Variants in OR1J2 observed in about 807,000 individuals in gnomAD.
The protein encoded by OR1J2 is olfactory receptor family 1 subfamily J member 2.
For synonymous variants in OR1J2, 142 were observed against 99.7 expected (o/e 1.42, Z -2.52); for missense variants, 304 against 246.1 (o/e 1.24, Z -1.57).
chr9:122,478,461 G>A, the OR1J2 span, among the ~76,000 whole-genome samples: 1 of 152,074 alleles, frequency 6.6e-6, no homozygotes, highest in Non-Finnish European at 1.5e-5. Context: ...TACCCTGCTT[G>A]TCTACACAGT....
At chr9:122,533,020 C>T in the OR1J2 span, among the ~76,000 whole-genome samples, 4,881 of 152,078 alleles carry the variant, frequency 0.032, 311 homozygotes, top group East Asian at 0.3. Context: ...CAGTACAGCC[C>T]AGGTAATTTG....
the OR1J2 span, among the ~76,000 whole-genome samples, chr9:122,494,412 T>C: frequency 2.6e-5 from 4 of 152,306 alleles, no homozygotes; most frequent in South Asian, 8.3e-4. Context: ...CTTGTTGGAC[T>C]AGTCCCTTTA....
At chr9:122,467,126 G>A in the OR1J2 span, among the ~76,000 whole-genome samples, 1 of 152,064 alleles carries the variant, frequency 6.6e-6, no homozygotes, top group Admixed American at 6.5e-5. Context: ...CATCCGGCTG[G>A]GAGTGTGGTC....
At chr9:122,568,611 T>C in the OR1J2 span, 1 of 605,972 alleles carries the variant, frequency 1.7e-6, no homozygotes, top group South Asian at 2.3e-5. Flanking sequence ...AATTGTGGGA[T>C]GGCTTGTTCA....
the OR1J2 span, among the ~76,000 whole-genome samples, chr9:122,518,179 G>A: frequency 2.6e-5 from 4 of 152,302 alleles, no homozygotes; most frequent in Non-Finnish European, 2.9e-5. Flanking sequence ...ATATTTTAAT[G>A]GGTAGATAGT....
chr9:122,473,711 GTC>G, the OR1J2 span, among the ~76,000 whole-genome samples: 2 of 152,112 alleles, frequency 1.3e-5, no homozygotes, highest in Non-Finnish European at 2.9e-5. Flanking sequence ...GACTAGTCCC[GTC>G]TTACTATATC....
chr9:122,563,497 A>G, the OR1J2 span, among the ~76,000 whole-genome samples: 6 of 152,178 alleles, frequency 3.9e-5, no homozygotes, highest in Non-Finnish European at 7.4e-5. Flanking sequence ...AGTTTCTTAT[A>G]TATTCCACAT....
At chr9:122,522,630 A>T in the OR1J2 span, among the ~76,000 whole-genome samples, 1 of 151,838 alleles carries the variant, frequency 6.6e-6, no homozygotes, top group Non-Finnish European at 1.5e-5. Context: ...ATACAATTTA[A>T]TTTGTTTGTA....
the OR1J2 span, among the ~76,000 whole-genome samples, chr9:122,458,895 A>G: frequency 6.6e-6 from 1 of 151,648 alleles, no homozygotes; most frequent in African/African-American, 2.4e-5. Flanking sequence ...TCTTTTGAAT[A>G]TGTTCCAACA....
At chr9:122,533,165 A>G in the OR1J2 span, among the ~76,000 whole-genome samples, 8 of 152,198 alleles carry the variant, frequency 5.3e-5, no homozygotes, top group African/African-American at 1.9e-4. Flanking sequence ...GGTATTGAGG[A>G]TAGGAGAGTA....
At chr9:122,520,153 C>A in the OR1J2 span, 1 of 1,128,862 alleles carries the variant, frequency 8.9e-7, no homozygotes, top group Non-Finnish European at 1.3e-6. Context: ...CTTCTGATCC[C>A]AGCAAGGGAT....
At chr9:122,563,170 C>T in the OR1J2 span, among the ~76,000 whole-genome samples, 1 of 132,606 alleles carries the variant, frequency 7.5e-6, no homozygotes, top group Non-Finnish European at 1.6e-5. Context: ...TCCACATCCT[C>T]ACTAGCATTT....
chr9:122,466,235 A>AC, the OR1J2 span, among the ~76,000 whole-genome samples: 1 of 152,224 alleles, frequency 6.6e-6, no homozygotes, highest in Non-Finnish European at 1.5e-5. Context: ...AAACAAACAA[A>AC]AACAACAAAA....
At chr9:122,448,096 C>T in the OR1J2 span, among the ~76,000 whole-genome samples, 1 of 152,108 alleles carries the variant, frequency 6.6e-6, no homozygotes, top group African/African-American at 2.4e-5. Context: ...TCTGAGTTCC[C>T]TCAGTATTTA....
chr9:122,528,263 G>A, the OR1J2 span, among the ~76,000 whole-genome samples: 416 of 152,332 alleles, frequency 2.7e-3, 1 homozygote, highest in African/African-American at 9.7e-3. Flanking sequence ...GCATTGGTCT[G>A]TAGACCAGTT....
rs201194266 is a variant in OR1J2 at position 122,510,961 on chromosome 9, C to G, written c.160C>G (p.His54Asp). 5 of 1,612,528 alleles carry G rather than the reference C, an allele frequency of 3.1e-6. No individual in the cohort carries two copies. Among genetic ancestry groups the G allele is most frequent in the Admixed American group, 1.7e-5 (1 of 60,034 alleles). The change falls in exon 1 of 1, where the codon CAC (histidine) becomes GAC (aspartate). Residue 54 changes from histidine to aspartate, a missense_variant. Transcript: ENST00000335302. The stretch of plus-strand genomic sequence containing the variant: ...CATGCTGCTCATCCAGCTGGACTCT[C>G]ACCTTCACACCCCCATGTACTTCTT... Reference protein sequence around the residue: ...LIMLLIQLDSHLHTPMYFFLS... With the variant: ...LIMLLIQLDSDLHTPMYFFLS...
At position 122,511,472 on chromosome 9, in the gene OR1J2, C is replaced by G. The variant is rs758519436; in HGVS notation, c.671C>G (p.Thr224Ser). The G allele has an allele frequency of 1.3e-6, 1 of 780,540 alleles. No homozygotes were observed. The highest frequency in any genetic ancestry group is 2.4e-6 in the Non-Finnish European group (1 of 417,890). 48.4% of individuals were successfully genotyped at this position (780,540 alleles called of 1,614,324 possible). The change falls in exon 1 of 1, where the codon ACC becomes AGC. Residue 224 changes from threonine to serine, a missense_variant. Transcript: ENST00000335302. ...ILVSYGYIGA[T>S]ILRVPSTKGI... ...GTATCATATGGCTACATTGGGGCCA[C>G]CATCCTGAGGGTCCCTTCAACCAAA...
chr9:122,539,061 C>A, the OR1J2 span, among the ~76,000 whole-genome samples: 1 of 152,062 alleles, frequency 6.6e-6, no homozygotes, highest in East Asian at 1.9e-4. Context: ...ATCTCTCGGT[C>A]TCTGTGGGAA....
chr9:122,482,736 G>A, the OR1J2 span, among the ~76,000 whole-genome samples: 7 of 152,082 alleles, frequency 4.6e-5, no homozygotes, highest in Non-Finnish European at 2.9e-5. Context: ...AGGACATTAC[G>A]TTAAGTGAAA....
Sources: allele counts gnomAD v4.1 joint callset (sites outside exome capture counted in the v4.1 genomes callset), GRCh38; gene constraint gnomAD v4.1.1; transcripts MANE v1.5; gene names NCBI Gene and HGNC (gene_info 2026-07-23, HGNC 2026-07-21).